STK4: variants seen among roughly 807,000 people sequenced by gnomAD.
STK4 encodes serine/threonine kinase 4, also known as serine/threonine-protein kinase 4.
In STK4, 30 loss-of-function variants were observed where a neutral mutation model predicts 64.9. The observed-to-expected ratio is 0.46, with a 90% CI of 0.35 to 0.63. The LOEUF is 0.63. Among genes scored for constraint, STK4 ranks in the 20% least tolerant of loss-of-function variants. The pLI, the probability that STK4 is intolerant of heterozygous loss-of-function variation, is 0.01. For synonymous variants in STK4, 177 were observed against 199.0 expected (o/e 0.89, Z 0.93); for missense variants, 466 against 598.5 (o/e 0.78, Z 2.31).
chr20:44,980,441 A>G (rs991446399), intron 3 of STK4, among the ~76,000 whole-genome samples: 3 of 152,220 alleles, frequency 2.0e-5, no homozygotes, highest in African/African-American at 7.2e-5. Flanking sequence ...GGCAGCTCTC[A>G]GAGGGCACAT....
rs573447087 is a variant in STK4 at position 44,967,103 on chromosome 20, C to A, written c.35+500C>A. On this transcript the variant is annotated intron_variant, in intron 1 of 10. Coordinates refer to ENST00000372806, the MANE Select transcript of STK4 (RefSeq NM_006282.5). ...CTTTGCGCCTAAGGCTGAAAGCATG[C>A]GAGGAAAGGTTGAGGGTCTAGCAAG... The A allele has an allele frequency of 1.1e-5, 11 of 975,960 alleles. No individual in the cohort carries two copies. The South Asian group carries it at 4.3e-4, about 38-fold the overall frequency. The allele number at this position is 975,960 out of a possible 1,614,324, so 60.5% of individuals were successfully genotyped here. A position where few individuals can be genotyped will look rare whatever the true frequency, so the allele number is the denominator to read the frequency against.
chr20:45,035,634 T>C (rs192828524), intron 10 of STK4, among the ~76,000 whole-genome samples: 1 of 152,344 alleles, frequency 6.6e-6, no homozygotes, highest in Admixed American at 6.5e-5. Context: ...TGTGAATAGA[T>C]AAGACTGCGA....
intron 6 of STK4, among the ~76,000 whole-genome samples, 188 bp from the exon 7 acceptor site, chr20:44,996,981 A>G (rs2067742816): frequency 1.3e-5 from 2 of 152,164 alleles, no homozygotes; most frequent in Non-Finnish European, 2.9e-5. Flanking sequence ...AGGGAAAAGG[A>G]GAGAGGGAGA....
In STK4 at chr20:45,023,208, A is replaced by G. The variant is rs569104531; in HGVS notation, c.1148-1765A>G. 1.1e-4 allele frequency among the ~76,000 whole-genome samples: 16 copies of G among 152,334 alleles called. No homozygotes were observed. In the East Asian group the frequency reaches 2.7e-3, roughly 26 times the overall value. On this transcript the variant is annotated intron_variant, in intron 9 of 10. Coordinates refer to ENST00000372806, the MANE Select transcript of STK4 (RefSeq NM_006282.5). ...ACTTGCTGATTGGTCCTAGCAAATA[A>G]TGTATTTAATTCTTAATTAGTGAGG...
rs140582243 is a variant in STK4 at position 44,969,100 on chromosome 20, G to A, written c.35+2497G>A. On this transcript the variant is annotated intron_variant, in intron 1 of 10. Transcript: ENST00000372806. The stretch of plus-strand genomic sequence containing the variant: ...AAGGACACCAGTCATACTGGATTAG[G>A]GCATGCCCATATGACCTCATTTTAT... 1.4e-4 allele frequency among the ~76,000 whole-genome samples: 21 copies of A among 152,152 alleles called. No homozygotes were observed. In the East Asian group the frequency reaches 4.1e-3, roughly 29 times the overall value.
chr20:44,978,773 G>T lies in STK4; in HGVS notation c.245+202G>T, dbSNP rs116814567. ...CTAAACCTCCGTAATTTTTATGCAT[G>T]GTGTTTTGTTTTTTTTTTTCAATTT... On this transcript the variant is annotated intron_variant, in intron 3 of 10. Transcript: ENST00000372806. 3.3e-3 allele frequency among the ~76,000 whole-genome samples: 500 copies of T among 150,394 alleles called. 3 individuals carry two copies. The highest frequency in any genetic ancestry group is 0.012 in the African/African-American group (483 of 40,658).
chr20:44,993,497 T>G (rs534371185), intron 5 of STK4, among the ~76,000 whole-genome samples: 1 of 152,344 alleles, frequency 6.6e-6, no homozygotes, highest in South Asian at 2.1e-4. Flanking sequence ...ATTTGAAGTT[T>G]CAGAGCTAAG....
chr20:45,048,481 C>G (rs1329327905), intron 10 of STK4, among the ~76,000 whole-genome samples: 1 of 151,880 alleles, frequency 6.6e-6, no homozygotes, highest in Non-Finnish European at 1.5e-5. Context: ...TGTTGCAGGC[C>G]CTGCTAGTTC....
intron 10 of STK4, among the ~76,000 whole-genome samples, chr20:45,052,383 GA>G (rs1444450803): frequency 6.6e-6 from 1 of 152,050 alleles, no homozygotes; most frequent in African/African-American, 2.4e-5. Flanking sequence ...AATAAATCTT[GA>G]TTTTTTTTCA....
rs1221720136 is a variant in STK4, at chr20:44,988,533, G to GTGTATATATATA, written c.525+1238_525+1239insGTATATATATAT. On this transcript the variant is annotated intron_variant, in intron 5 of 10. Coordinates refer to ENST00000372806, the MANE Select transcript of STK4 (RefSeq NM_006282.5). ...TGTGTGTGTATATATATGTGTGTGT[G>GTGTATATATATA]TATATATATATATATATATATATAT... Among the ~76,000 whole-genome samples, 490 of 101,486 alleles carry GTGTATATATATA rather than the reference G, an allele frequency of 4.8e-3. 11 individuals carry two copies. Among genetic ancestry groups the GTGTATATATATA allele is most frequent in the African/African-American group, 0.022 (459 of 20,954 alleles). 66.6% of individuals were successfully genotyped at this position (101,486 alleles called of 152,430 possible).
chr20:45,057,369 A>G (rs114637831), intron 10 of STK4, among the ~76,000 whole-genome samples: 3,820 of 152,324 alleles, frequency 0.025, 139 homozygotes, highest in African/African-American at 0.082. Flanking sequence ...CTATTCTTTT[A>G]AAAAGAAGTG....
chr20:44,994,243 A>G (rs747546606), intron 5 of STK4, among the ~76,000 whole-genome samples: 11 of 149,702 alleles, frequency 7.3e-5, no homozygotes, highest in Non-Finnish European at 1.5e-4. Context: ...GACAGTAAAA[A>G]TCTTTAGTGA....
Position 44,968,320 on chromosome 20 carries a change from G to A in STK4, c.35+1717G>A, listed in dbSNP as rs139897296. The stretch of plus-strand genomic sequence containing the variant: ...GCCTGGCTAATTTTTTGTAGTTTTA[G>A]TAGAGACGGGGTTTCACCGTGTTAG... On this transcript the variant is annotated intron_variant, in intron 1 of 10. Coordinates refer to ENST00000372806, the MANE Select transcript of STK4 (RefSeq NM_006282.5). Among the ~76,000 whole-genome samples, 1,437 of 152,262 alleles carry A rather than the reference G, an allele frequency of 9.4e-3. 28 individuals carry two copies. The highest frequency in any genetic ancestry group is 0.033 in the African/African-American group (1,357 of 41,528).
Position 45,000,689 on chromosome 20 carries a change from G to A in STK4, c.960+169G>A, listed in dbSNP as rs542831843. The A allele has an allele frequency of 1.6e-5, 15 of 943,398 alleles. 1 individual carries two copies. The East Asian group carries it at 2.2e-4, about 14-fold the overall frequency. 58.4% of individuals were successfully genotyped at this position (943,398 alleles called of 1,614,324 possible). Reference sequence around the variant, plus strand: ...CGCATGCTAGAGGGTTGTTGTATCTGTGCTTATTCTTCTCCCAGTGCTTCC... The same window carrying A: ...CGCATGCTAGAGGGTTGTTGTATCTATGCTTATTCTTCTCCCAGTGCTTCC... On this transcript the variant is annotated intron_variant, in intron 8 of 10. Coordinates refer to ENST00000372806, the MANE Select transcript of STK4 (RefSeq NM_006282.5).
intron 9 of STK4, among the ~76,000 whole-genome samples, chr20:45,016,007 A>G (rs951477263): frequency 1.3e-5 from 2 of 151,832 alleles, no homozygotes; most frequent in East Asian, 3.9e-4. Context: ...TGCTCTTGGT[A>G]TTGATGATGT....
At chr20:45,011,708 C>CATATATATATATATATATAT (rs749788988) in intron 9 of STK4, among the ~76,000 whole-genome samples, 93 of 86,834 alleles carry the variant, frequency 1.1e-3, no homozygotes, top group African/African-American at 3.9e-3. Flanking sequence ...GTAGAACATA[C>CATATATATATATATATATAT]ATATATATAT....
At chr20:44,991,043 C>A (rs1261551034) in intron 5 of STK4, among the ~76,000 whole-genome samples, 1 of 152,076 alleles carries the variant, frequency 6.6e-6, no homozygotes, top group Admixed American at 6.6e-5. Flanking sequence ...GTTATTTTCC[C>A]CTTTGTTTTT....
intron 10 of STK4, among the ~76,000 whole-genome samples, chr20:45,071,619 C>T (rs1023391708): frequency 6.6e-6 from 1 of 152,134 alleles, no homozygotes; most frequent in Non-Finnish European, 1.5e-5. Flanking sequence ...AAATTGGAAA[C>T]CCAGGAGAAG....
At chr20:45,047,845 C>G (rs1034637872) in intron 10 of STK4, among the ~76,000 whole-genome samples, 2 of 152,292 alleles carry the variant, frequency 1.3e-5, no homozygotes, top group East Asian at 3.9e-4. Context: ...GGTCTCAGCT[C>G]TGACTGTAAC....
Sources: gnomAD v4.1 joint callset for allele counts (sites outside exome capture counted in the v4.1 genomes callset) on GRCh38, gnomAD v4.1.1 for gene constraint, MANE v1.5 for transcripts, NCBI Gene and HGNC (gene_info 2026-07-23, HGNC 2026-07-21) for gene names.